Variants in HAPSTR2 observed in about 807,000 individuals in gnomAD.
HAPSTR2 encodes the protein HUWE1 associated protein modifying stress responses 2.
At chrX:140,091,678 A>G in the HAPSTR2 span, 1 of 561,029 alleles carries the variant, frequency 1.8e-6, no homozygotes, top group Non-Finnish European at 2.3e-6. Context: ...GAGGACCAAG[A>G]GTAGGCAGCA....
At chrX:140,091,982 A>G in the HAPSTR2 span, 1 of 829,883 alleles carries the variant, frequency 1.2e-6, no homozygotes, top group African/African-American at 2.2e-5. Context: ...AACAGCAAGG[A>G]CTTTCCATGT....
At chrX:140,091,711 CGGT>C in the HAPSTR2 span, 1 of 781,814 alleles carries the variant, frequency 1.3e-6, no homozygotes, top group Non-Finnish European at 1.6e-6. Flanking sequence ...GAGGAGGAGG[CGGT>C]GGTGGAGGTG....
chrX:140,092,468 C>G, the HAPSTR2 span: 1 of 752,060 alleles, frequency 1.3e-6, no homozygotes. Flanking sequence ...AACTGGCCCT[C>G]CACCTGGACA....
At chrX:140,092,490 C>T in the HAPSTR2 span, 64 of 751,689 alleles carry the variant, frequency 8.5e-5, no homozygotes, top group Non-Finnish European at 1.0e-4. Context: ...TGGGGGGATC[C>T]GCAAGCGCAC....
chrX:140,092,225 C>T, the HAPSTR2 span: 1 of 755,241 alleles, frequency 1.3e-6, no homozygotes, highest in Non-Finnish European at 1.6e-6. Context: ...CTAGGACACC[C>T]CCGAAGCCAC....
At chrX:140,091,733 G>C in the HAPSTR2 span, 1 of 870,867 alleles carries the variant, frequency 1.1e-6, no homozygotes, top group East Asian at 7.8e-5. Context: ...TGCGCGGCCT[G>C]AAGAGGAGGA....
At chrX:140,091,721 G>A in the HAPSTR2 span, 26 of 829,881 alleles carry the variant, frequency 3.1e-5, no homozygotes, top group Middle Eastern at 6.0e-4. Flanking sequence ...CGGTGGTGGA[G>A]GTGCGCGGCC....
chrX:140,092,430 G>A, the HAPSTR2 span: 29 of 752,329 alleles, frequency 3.9e-5, no homozygotes, highest in East Asian at 4.3e-3. Context: ...CTTCTTGGAG[G>A]ACGACTTGAA....
At chrX:140,091,784 G>A in the HAPSTR2 span, 12 of 958,063 alleles carry the variant, frequency 1.3e-5, no homozygotes, top group Non-Finnish European at 1.3e-5. Flanking sequence ...AGGTCGCGGA[G>A]CACTGGTTTT....
At chrX:140,091,690 C>A in the HAPSTR2 span, 1 of 643,589 alleles carries the variant, frequency 1.6e-6, no homozygotes, top group Non-Finnish European at 1.9e-6. Context: ...TAGGCAGCAG[C>A]GGCGGCGGCG....
the HAPSTR2 span, among the ~76,000 whole-genome samples, chrX:140,092,815 A>T: frequency 1.8e-5 from 2 of 111,520 alleles, no homozygotes; most frequent in Admixed American, 1.9e-4. Flanking sequence ...AAGCAAACGT[A>T]TCTGGTCAAG....
the HAPSTR2 span, chrX:140,091,964 T>C: frequency 2.4e-5 from 20 of 846,244 alleles, no homozygotes; most frequent in Non-Finnish European, 2.9e-5. Flanking sequence ...ACAAGGATTC[T>C]GGGTGCCAAC....
At chrX:140,092,387 C>A in the HAPSTR2 span, 1 of 752,256 alleles carries the variant, frequency 1.3e-6, no homozygotes, top group African/African-American at 2.3e-5. Flanking sequence ...CTCAAGACAG[C>A]GGTGTCGCCA....
the HAPSTR2 span, chrX:140,091,887 C>T: frequency 2.7e-5 from 25 of 935,595 alleles, no homozygotes; most frequent in Non-Finnish European, 3.4e-5. Context: ...GTTGGCAGGG[C>T]TCAAGAGCGA....
At chrX:140,092,349 G>C in the HAPSTR2 span, 1 of 754,219 alleles carries the variant, frequency 1.3e-6, no homozygotes, top group Non-Finnish European at 1.6e-6. Context: ...TGCTATGGCC[G>C]GCATCAGCAT....
chrX:140,092,315 G>A, the HAPSTR2 span: 2 of 754,400 alleles, frequency 2.7e-6, no homozygotes, highest in Non-Finnish European at 3.1e-6. Flanking sequence ...TCCAGGAGGC[G>A]ATCGCCCTGC....
chrX:140,091,866 G>A, the HAPSTR2 span: 1 of 974,049 alleles, frequency 1.0e-6, no homozygotes, highest in Non-Finnish European at 1.3e-6. Flanking sequence ...GCAGGAGGAG[G>A]CGGCTGCAGA....
At chrX:140,091,989 A>G in the HAPSTR2 span, 1 of 827,006 alleles carries the variant, frequency 1.2e-6, no homozygotes, top group East Asian at 8.4e-5. Context: ...AGGACTTTCC[A>G]TGTGGGACCC....
chrX:140,092,601 G>C, the HAPSTR2 span: 14 of 745,449 alleles, frequency 1.9e-5, no homozygotes, highest in Non-Finnish European at 2.2e-5. Flanking sequence ...TATTGCTTGA[G>C]AGTGAACTCA....
Sources: allele counts gnomAD v4.1 joint callset (sites outside exome capture counted in the v4.1 genomes callset), GRCh38; gene constraint gnomAD v4.1.1; transcripts MANE v1.5; gene names NCBI Gene and HGNC (gene_info 2026-07-23, HGNC 2026-07-21).